WWOX: variants seen among roughly 807,000 people sequenced by gnomAD.
WWOX encodes WW domain-containing oxidoreductase.
WWOX carries 69 observed loss-of-function variants against 46.2 expected under a neutral mutation model. That is an observed-to-expected ratio of 1.49 (90% confidence interval 1.23 to 1.82). The LOEUF is 1.82. WWOX is among the 40% of genes most tolerant of loss of function. The pLI, the probability that WWOX is intolerant of heterozygous loss-of-function variation, is 0.00. For synonymous variants in WWOX, 359 were observed against 202.6 expected (o/e 1.77, Z -6.56); for missense variants, 919 against 542.6 (o/e 1.69, Z -6.89).
At chr16:78,585,294 C>G (rs1597307286) in intron 8 of WWOX, among the ~76,000 whole-genome samples, 1 of 152,178 alleles carries the variant, frequency 6.6e-6, no homozygotes. Flanking sequence ...GGCAGCAGTT[C>G]TCCCTGAGGT....
chr16:78,401,744 G>C lies in WWOX; in HGVS notation c.605+14796G>C, dbSNP rs1203024431. Among the ~76,000 whole-genome samples the C allele has an allele frequency of 3.3e-5, 5 of 152,166 alleles. No homozygotes were observed. In the East Asian group the frequency reaches 9.7e-4, roughly 29 times the overall value. ...AGACGGAGTCTTGCTCTGTCGCCCAGGCTGGAGTGTGATGGTGTGATCTTG... is the reference window on the plus strand; with the variant it reads ...AGACGGAGTCTTGCTCTGTCGCCCACGCTGGAGTGTGATGGTGTGATCTTG... On this transcript the variant is annotated intron_variant, in intron 6 of 8. Coordinates refer to ENST00000566780, the MANE Select transcript of WWOX (RefSeq NM_016373.4).
chr16:78,345,565 G>A (rs1333017927), intron 5 of WWOX, among the ~76,000 whole-genome samples: 1 of 90,344 alleles, frequency 1.1e-5, no homozygotes, highest in East Asian at 2.1e-4. Context: ...GTTTGAACCT[G>A]GGAAGTCAAG....
intron 8 of WWOX, among the ~76,000 whole-genome samples, chr16:78,723,101 A>G (rs989358490): frequency 3.3e-5 from 5 of 152,166 alleles, no homozygotes; most frequent in African/African-American, 1.2e-4. Context: ...AACTACCTTA[A>G]GGCTGATTGA....
chr16:78,618,209 C>T (rs965311669), intron 8 of WWOX, among the ~76,000 whole-genome samples: 3 of 152,216 alleles, frequency 2.0e-5, no homozygotes, highest in Non-Finnish European at 4.4e-5. Flanking sequence ...AGTCCTTGCT[C>T]TCCAACCTCT....
chr16:78,192,717 G>C (rs946079933), intron 5 of WWOX, among the ~76,000 whole-genome samples: 23 of 152,044 alleles, frequency 1.5e-4, no homozygotes, highest in African/African-American at 5.3e-4. Context: ...TCTCTTCCTT[G>C]TTTATTTTTT....
chr16:78,610,356 A>C (rs1015623513), intron 8 of WWOX, among the ~76,000 whole-genome samples: 6 of 152,212 alleles, frequency 3.9e-5, no homozygotes, highest in African/African-American at 1.4e-4. Flanking sequence ...ATTACTATTC[A>C]TGTGTAAGAA....
At chr16:78,862,252 GTC>G (rs2043904155) in intron 8 of WWOX, among the ~76,000 whole-genome samples, 2 of 150,910 alleles carry the variant, frequency 1.3e-5, no homozygotes, top group Admixed American at 1.3e-4. Flanking sequence ...CTATGGGTGT[GTC>G]TGTCTGTACC....
chr16:78,247,056 A>G (rs1458138031), intron 5 of WWOX, among the ~76,000 whole-genome samples: 3 of 152,118 alleles, frequency 2.0e-5, no homozygotes, highest in African/African-American at 7.2e-5. Context: ...TATTTTGTAT[A>G]TCTTAATGTC....
Position 78,152,803 on chromosome 16 carries a change from C to T in WWOX, c.410-11380C>T, listed in dbSNP as rs78359572. Among the ~76,000 whole-genome samples the T allele has an allele frequency of 8.1e-3, 1,228 of 152,320 alleles. 24 individuals carry two copies. Among genetic ancestry groups the T allele is most frequent in the East Asian group, 0.047 (242 of 5,180 alleles). ...TATTGTACAGCTTTACAAAACATTA[C>T]GGCCTCAGCCTTGTACTGCCCAAAG... On this transcript the variant is annotated intron_variant, in intron 4 of 8. Coordinates refer to ENST00000566780, the MANE Select transcript of WWOX (RefSeq NM_016373.4).
chr16:78,634,724 A>AG (rs11464540), intron 8 of WWOX, among the ~76,000 whole-genome samples: 2 of 144,666 alleles, frequency 1.4e-5, no homozygotes, highest in Non-Finnish European at 3.0e-5. Context: ...AAAAAAAAAA[A>AG]GTTCTAAATC....
chr16:78,569,436 T>A (rs2044658864), intron 8 of WWOX, among the ~76,000 whole-genome samples: 1 of 152,228 alleles, frequency 6.6e-6, no homozygotes, highest in Non-Finnish European at 1.5e-5. Flanking sequence ...TAATTTATCA[T>A]AAACCATTTA....
At position 78,157,294 on chromosome 16, in the gene WWOX, G is replaced by A. The variant is rs139937836; in HGVS notation, c.410-6889G>A. Among the ~76,000 whole-genome samples, 447 of 152,254 alleles carry A rather than the reference G, an allele frequency of 2.9e-3. 1 individual carries two copies. The highest frequency in any genetic ancestry group is 0.01 in the African/African-American group (428 of 41,554). On this transcript the variant is annotated intron_variant, in intron 4 of 8. Coordinates refer to ENST00000566780, the MANE Select transcript of WWOX (RefSeq NM_016373.4). ...CCTGATTGATGGGGCAGATCAGTCAGCAAGACTTTGTTCGGTGCCTGCCCC... is the reference window on the plus strand; with the variant it reads ...CCTGATTGATGGGGCAGATCAGTCAACAAGACTTTGTTCGGTGCCTGCCCC...
At chr16:78,586,594 A>G (rs765883123) in intron 8 of WWOX, among the ~76,000 whole-genome samples, 8 of 152,238 alleles carry the variant, frequency 5.3e-5, no homozygotes, top group Non-Finnish European at 1.0e-4. Context: ...GACTCAGATT[A>G]AGAAACTTGC....
chr16:79,151,715 C>G (rs933441209), intron 8 of WWOX, among the ~76,000 whole-genome samples: 3 of 152,176 alleles, frequency 2.0e-5, no homozygotes, highest in African/African-American at 7.2e-5. Context: ...TGAGAGCATG[C>G]TAGTCTCCGA....
chr16:78,425,664 C>T (rs192725176), intron 7 of WWOX, among the ~76,000 whole-genome samples: 3 of 152,240 alleles, frequency 2.0e-5, no homozygotes, highest in East Asian at 3.9e-4. Flanking sequence ...CTCGTATTTT[C>T]AGCATATTTG....
At chr16:78,975,871 C>G (rs12051206) in intron 8 of WWOX, among the ~76,000 whole-genome samples, 7,348 of 152,188 alleles carry the variant, frequency 0.048, 281 homozygotes, top group East Asian at 0.21. Context: ...GCCATTAGGA[C>G]CAAACCTCTT....
chr16:78,435,563 A>G (rs776491516), intron 8 of WWOX, among the ~76,000 whole-genome samples: 3 of 152,228 alleles, frequency 2.0e-5, no homozygotes, highest in African/African-American at 7.2e-5. Context: ...AAGTGGTGAC[A>G]TCGCAAAAAT....
intron 8 of WWOX, among the ~76,000 whole-genome samples, chr16:78,617,321 G>A (rs189029180): frequency 6.6e-6 from 1 of 151,136 alleles, no homozygotes; most frequent in Non-Finnish European, 1.5e-5. Context: ...AGGATCACTT[G>A]AGCCCAGGAG....
intron 8 of WWOX, among the ~76,000 whole-genome samples, chr16:78,622,133 A>G (rs933520886): frequency 6.6e-6 from 1 of 152,168 alleles, no homozygotes; most frequent in African/African-American, 2.4e-5. Context: ...AAACCTTGAA[A>G]AGATATGACT....
Sources: gnomAD v4.1 joint callset for allele counts (sites outside exome capture counted in the v4.1 genomes callset) on GRCh38, gnomAD v4.1.1 for gene constraint, MANE v1.5 for transcripts, NCBI Gene and HGNC (gene_info 2026-07-23, HGNC 2026-07-21) for gene names.